Variants in MID2 observed in about 807,000 individuals in gnomAD.
The protein encoded by MID2 is midline 2, also known as probable E3 ubiquitin-protein ligase MID2.
MID2 carries 13 observed loss-of-function variants against 46.1 expected under a neutral mutation model. That is an observed-to-expected ratio of 0.28 (90% CI 0.18 to 0.45). The LOEUF is 0.45. Ranked by LOEUF, MID2 falls within the 20% of genes least tolerant of loss-of-function variation. MID2 has a pLI of 1.00. For missense variants in MID2, 431 were observed against 575.4 expected (o/e 0.75, Z 2.57); for synonymous variants, 199 against 212.3 (o/e 0.94, Z 0.55).
At chrX:107,920,214 G>GT (rs766833558) in intron 7 of MID2, among the ~76,000 whole-genome samples, 3 of 112,283 alleles carry the variant, frequency 2.7e-5, no homozygotes, top group Admixed American at 1.9e-4. Flanking sequence ...TTCCTTTGAC[G>GT]TTTTTTCACA....
chrX:107,829,024 C>T (rs1332944630), intron 1 of MID2, among the ~76,000 whole-genome samples: 1 of 111,745 alleles, frequency 8.9e-6, no homozygotes, highest in Non-Finnish European at 1.9e-5. Context: ...GGACTATAGG[C>T]ACACACCATC....
Position 107,883,213 on chromosome X carries a change from C to T in MID2, c.817-20745C>T, listed in dbSNP as rs778302840. The stretch of plus-strand genomic sequence containing the variant: ...CTGGGGCCTGTCGGGGAGTGGGGGG[C>T]TAGGGAAGGGTTAGCATGAGGAGAA... On this transcript the variant is annotated intron_variant, in intron 3 of 9. Coordinates refer to ENST00000262843, the MANE Select transcript of MID2 (RefSeq NM_012216.4). 6.3e-5 allele frequency among the ~76,000 whole-genome samples: 7 copies of T among 110,853 alleles called. No individual in the cohort carries two copies. The East Asian group carries it at 2.0e-3, about 31-fold the overall frequency.
At chrX:107,830,209 A>G (rs921184733) in intron 1 of MID2, among the ~76,000 whole-genome samples, 10 of 112,569 alleles carry the variant, frequency 8.9e-5, no homozygotes, top group Non-Finnish European at 1.9e-4. Context: ...CTGTCTTTTC[A>G]GACAGGGACA....
chrX:107,920,537 A>G lies in MID2; in HGVS notation c.1435+2798A>G, dbSNP rs781349427. On this transcript the variant is annotated intron_variant, in intron 7 of 9. Coordinates refer to ENST00000262843, the MANE Select transcript of MID2 (RefSeq NM_012216.4). ...ATACTACCAGAAAGACATAACTTCT[A>G]TTTCCCTTCCTTTTCATTCTCATGC... Among the ~76,000 whole-genome samples, 5 of 111,740 alleles carry G rather than the reference A, an allele frequency of 4.5e-5. No individual in the cohort carries two copies. In the East Asian group the frequency reaches 1.4e-3, roughly 31 times the overall value.
chrX:107,864,135 A>C (rs908356051), intron 3 of MID2, among the ~76,000 whole-genome samples: 1 of 112,278 alleles, frequency 8.9e-6, no homozygotes, highest in Non-Finnish European at 1.9e-5. Flanking sequence ...TTGTTGGTTT[A>C]CTTGCCACCG....
chrX:107,864,676 A>C (rs1473175581), intron 3 of MID2, among the ~76,000 whole-genome samples: 1 of 112,174 alleles, frequency 8.9e-6, no homozygotes, highest in Non-Finnish European at 1.9e-5. Flanking sequence ...ATGTTTGCAC[A>C]TTTAAAACAG....
At chrX:107,923,971 A>G (rs978911115) in intron 7 of MID2, among the ~76,000 whole-genome samples, 3 of 112,114 alleles carry the variant, frequency 2.7e-5, no homozygotes, top group African/African-American at 6.5e-5. Context: ...CATCCATACA[A>G]GACCAAACTC....
chrX:107,927,498 G>A lies in MID2; in HGVS notation c.*425G>A, dbSNP rs1350560165. 9.0e-6 allele frequency among the ~76,000 whole-genome samples: 1 copy of A among 111,319 alleles called. No homozygotes were observed. Among genetic ancestry groups the A allele is most frequent in the Non-Finnish European group, 1.9e-5 (1 of 53,009 alleles). Reference sequence around the variant, plus strand: ...GGCCAGTTTGGCCATGTAGAATTTTGAACAGTGTCAAATTATCACATATTA... The same window carrying A: ...GGCCAGTTTGGCCATGTAGAATTTTAAACAGTGTCAAATTATCACATATTA... On this transcript the variant is annotated 3_prime_UTR_variant, in exon 10 of 10. Coordinates refer to ENST00000262843, the MANE Select transcript of MID2 (RefSeq NM_012216.4).
intron 3 of MID2, among the ~76,000 whole-genome samples, chrX:107,881,683 A>G (rs1461182929): frequency 8.9e-6 from 1 of 112,369 alleles, no homozygotes; most frequent in African/African-American, 3.2e-5. Flanking sequence ...ACTAGGAAAC[A>G]GCACTCATTA....
chrX:107,827,507 A>C (rs1028054059), intron 1 of MID2, among the ~76,000 whole-genome samples: 5 of 111,487 alleles, frequency 4.5e-5, no homozygotes, highest in African/African-American at 1.6e-4. Flanking sequence ...AGCCCTTATA[A>C]AGGAATATAT....
At chrX:107,924,606 GTACTGGGTAGAGGAGCTA>G in intron 8 of MID2, 102 bp downstream of exon 8, 1 of 882,393 alleles carries the variant, frequency 1.1e-6, no homozygotes, top group Non-Finnish European at 1.6e-6. Context: ...GGGAGCAGTG[GTACTGGGTAGAGGAGCTA>G]TACTGTTGTA....
intron 3 of MID2, among the ~76,000 whole-genome samples, chrX:107,874,133 G>A (rs768883454): frequency 1.8e-5 from 2 of 111,899 alleles, no homozygotes; most frequent in African/African-American, 6.5e-5. Flanking sequence ...CTCTAAGAGG[G>A]TTTCCTTGAG....
intron 3 of MID2, among the ~76,000 whole-genome samples, chrX:107,903,747 G>T (rs1290152554): frequency 2.7e-5 from 3 of 111,262 alleles, no homozygotes; most frequent in African/African-American, 9.8e-5. Context: ...TAACCATCAT[G>T]ATCTACCAGA....
chrX:107,851,579 T>A (rs1465976775), intron 2 of MID2, among the ~76,000 whole-genome samples: 1 of 110,774 alleles, frequency 9.0e-6, no homozygotes, highest in Non-Finnish European at 1.9e-5. Flanking sequence ...ATTTTGCTGC[T>A]AGGTTAATCT....
At position 107,840,992 on chromosome X, in the gene MID2, TTCAG is replaced by T; in HGVS notation, c.333_336del (p.Ser112GlyfsTer39). ...ACATTATTGATCGCTTCCAGAAGGC[TTCAG>T]TCAGTGGGCCCAATTCCCCTAGTGA... On this transcript the variant is annotated frameshift_variant, in exon 2 of 10. Coordinates refer to ENST00000262843, the MANE Select transcript of MID2 (RefSeq NM_012216.4). LOFTEE classifies it high-confidence loss of function. 1 of 1,211,679 alleles carries T rather than the reference TTCAG, an allele frequency of 8.3e-7. No homozygotes were observed.
intron 3 of MID2, among the ~76,000 whole-genome samples, chrX:107,857,472 G>A (rs750951824): frequency 7.2e-5 from 8 of 111,466 alleles, no homozygotes; most frequent in African/African-American, 2.0e-4. Flanking sequence ...GTAGAGACGC[G>A]GTTTCACCGT....
intron 3 of MID2, among the ~76,000 whole-genome samples, chrX:107,874,583 T>C (rs948652337): frequency 3.6e-5 from 4 of 112,502 alleles, no homozygotes; most frequent in Non-Finnish European, 5.6e-5. Context: ...ATCTTCCCTA[T>C]GGGGAGACTA....
intron 5 of MID2, among the ~76,000 whole-genome samples, chrX:107,913,347 T>C: frequency 8.9e-6 from 1 of 112,284 alleles, no homozygotes; most frequent in East Asian, 2.8e-4. Context: ...ACAATCAGGC[T>C]ACATATGGTG....
chrX:107,849,484 A>C (rs770791670), intron 2 of MID2, among the ~76,000 whole-genome samples: 1 of 111,251 alleles, frequency 9.0e-6, no homozygotes, highest in African/African-American at 3.3e-5. Flanking sequence ...AGTGAAAAAA[A>C]AAAACCAGCA....
Sources: gnomAD v4.1 joint callset for allele counts (sites outside exome capture counted in the v4.1 genomes callset) on GRCh38, gnomAD v4.1.1 for gene constraint, MANE v1.5 for transcripts, NCBI Gene and HGNC (gene_info 2026-07-23, HGNC 2026-07-21) for gene names.